VPS37A: variants seen among roughly 807,000 people sequenced by gnomAD.
VPS37A encodes the protein vacuolar protein sorting-associated protein 37A.
VPS37A carries 30 observed loss-of-function variants against 49.8 expected under a neutral mutation model. The observed-to-expected ratio is 0.60, with a 90% CI of 0.45 to 0.82. The LOEUF (loss-of-function observed/expected upper bound fraction) is 0.82. Among genes scored for constraint, VPS37A ranks in the 40% least tolerant of loss-of-function variants. The pLI is 0.00. For missense variants in VPS37A, 593 were observed against 464.4 expected, an observed-to-expected ratio of 1.28 and a Z score of -2.55; for synonymous variants, 195 against 160.6, an observed-to-expected ratio of 1.21 and a Z score of -1.62.
At chr8:17,285,828 G>T (rs1041590040) in intron 10 of VPS37A, among the ~76,000 whole-genome samples, 2 of 152,160 alleles carry the variant, frequency 1.3e-5, no homozygotes, top group African/African-American at 4.8e-5. Context: ...GATATTTAAA[G>T]TTAGATAATT....
chr8:17,304,576 ATATGT>A (rs558769700), downstream of VPS37A: 213 of 1,540,636 alleles, frequency 1.4e-4, no homozygotes, highest in African/African-American at 2.6e-3. Context: ...CACACAGTAG[ATATGT>A]TATATTAATG....
chr8:17,275,040 C>A, intron 5 of VPS37A, 82 bp downstream of exon 5: 1 of 1,279,956 alleles, frequency 7.8e-7, no homozygotes, highest in Non-Finnish European at 1.1e-6. Context: ...CCTCTGTGTG[C>A]CAGATAATAA....
At chr8:17,250,073 G>A (rs754929243) in intron 1 of VPS37A, among the ~76,000 whole-genome samples, 6 of 152,306 alleles carry the variant, frequency 3.9e-5, no homozygotes, top group African/African-American at 9.6e-5. Context: ...TCTTCAGGGC[G>A]GAAGGGAAAG....
chr8:17,251,703 G>C (rs1474745282), intron 1 of VPS37A, among the ~76,000 whole-genome samples: 1 of 152,174 alleles, frequency 6.6e-6, no homozygotes, highest in African/African-American at 2.4e-5. Context: ...GCACACAGGA[G>C]ATGTAAACAG....
intron 9 of VPS37A, among the ~76,000 whole-genome samples, chr8:17,281,772 A>G (rs1369494454): frequency 6.6e-6 from 1 of 152,110 alleles, no homozygotes; most frequent in African/African-American, 2.4e-5. Context: ...CTACTGCAAA[A>G]TGAAGTACAG....
At chr8:17,331,347 A>G in the VPS37A span, 824 of 1,490,140 alleles carry the variant, frequency 5.5e-4, 1 homozygote, top group Non-Finnish European at 6.8e-4. Flanking sequence ...GAAACAACCA[A>G]AACATTTCAT....
the VPS37A span, among the ~76,000 whole-genome samples, chr8:17,319,129 T>C: frequency 3.3e-5 from 5 of 152,296 alleles, no homozygotes; most frequent in South Asian, 2.1e-4. Context: ...GCATGGGCAA[T>C]AGCACGTAGC....
intron 4 of VPS37A, among the ~76,000 whole-genome samples, chr8:17,269,220 A>T (rs982828335): frequency 6.6e-6 from 1 of 152,200 alleles, no homozygotes; most frequent in Admixed American, 6.5e-5. Context: ...CTATTGTAAT[A>T]GATGAAGATT....
chr8:17,290,055 C>T (rs369305070), intron 11 of VPS37A, among the ~76,000 whole-genome samples: 1 of 152,184 alleles, frequency 6.6e-6, no homozygotes, highest in African/African-American at 2.4e-5. Flanking sequence ...ATTTTGTATC[C>T]TGAGACCTTG....
intron 1 of VPS37A, among the ~76,000 whole-genome samples, chr8:17,262,844 C>T (rs1280257345): frequency 2.6e-5 from 4 of 151,914 alleles, no homozygotes; most frequent in Non-Finnish European, 5.9e-5. Context: ...GGGCAGATCA[C>T]GAGGTCAAGA....
intron 11 of VPS37A, among the ~76,000 whole-genome samples, chr8:17,294,307 C>G (rs564380377): frequency 2.0e-4 from 30 of 152,264 alleles, no homozygotes; most frequent in Middle Eastern, 6.8e-3. Flanking sequence ...CTCCCCCCAC[C>G]AAGCTCCAGC....
the VPS37A span, among the ~76,000 whole-genome samples, chr8:17,307,514 GACCC>G: frequency 1.3e-5 from 2 of 152,116 alleles, no homozygotes; most frequent in Non-Finnish European, 2.9e-5. Flanking sequence ...AATACCATTT[GACCC>G]AGCCATCCCA....
chr8:17,310,373 G>A, the VPS37A span, among the ~76,000 whole-genome samples: 8 of 152,304 alleles, frequency 5.3e-5, no homozygotes, highest in African/African-American at 1.9e-4. Context: ...AAAGTGGCCA[G>A]AGATTTCCCC....
At chr8:17,332,829 T>A in the VPS37A span, among the ~76,000 whole-genome samples, 1 of 152,146 alleles carries the variant, frequency 6.6e-6, no homozygotes, top group East Asian at 1.9e-4. Flanking sequence ...TAGATATGTA[T>A]TTAAGTTTTT....
At chr8:17,259,766 A>G (rs1177296440) in intron 1 of VPS37A, among the ~76,000 whole-genome samples, 1 of 152,114 alleles carries the variant, frequency 6.6e-6, no homozygotes, top group Non-Finnish European at 1.5e-5. Context: ...TTGGGTGCAT[A>G]GATATTTCTA....
intron 1 of VPS37A, chr8:17,248,501 C>G (rs907566925): frequency 5.2e-6 from 2 of 387,826 alleles, no homozygotes; most frequent in Non-Finnish European, 5.2e-6. Flanking sequence ...GTCTCGAACT[C>G]CTGACCTTAG....
the VPS37A span, among the ~76,000 whole-genome samples, chr8:17,330,304 G>A: frequency 9.9e-5 from 15 of 152,144 alleles, no homozygotes; most frequent in African/African-American, 1.9e-4. Flanking sequence ...CCCACTTCCC[G>A]GGCTCCCAGC....
downstream of VPS37A, chr8:17,298,990 C>T (rs889382511): frequency 6.6e-6 from 1 of 152,180 alleles, no homozygotes; most frequent in Non-Finnish European, 1.5e-5. Context: ...TGGATTTTCA[C>T]TCACAGATGT....
chr8:17,300,106 T>C, downstream of VPS37A: 1 of 1,614,180 alleles, frequency 6.2e-7, no homozygotes, highest in Non-Finnish European at 8.5e-7. Flanking sequence ...ACTGTAATCC[T>C]GGGGAGTGTT....
Sources: allele counts gnomAD v4.1 joint callset (sites outside exome capture counted in the v4.1 genomes callset), GRCh38; gene constraint gnomAD v4.1.1; transcripts MANE v1.5; gene names NCBI Gene and HGNC (gene_info 2026-07-23, HGNC 2026-07-21).